ZNF710: variants seen among roughly 807,000 people sequenced by gnomAD.
The protein encoded by ZNF710 is zinc finger protein 710.
Under a neutral mutation model 50.6 loss-of-function variants are expected in ZNF710, and 13 were observed. The observed-to-expected ratio is 0.26, with a 90% CI of 0.17 to 0.41. The LOEUF (loss-of-function observed/expected upper bound fraction) is 0.41, where lower values mean the gene tolerates loss of function less well. Among genes scored for constraint, ZNF710 ranks in the 10% least tolerant of loss-of-function variants. The pLI, the probability that ZNF710 is intolerant of heterozygous loss-of-function variation, is 1.00. For missense variants in ZNF710, 721 were observed against 936.6 expected (o/e 0.77, Z 3.01); for synonymous variants, 383 against 397.0 (o/e 0.96, Z 0.42).
intron 1 of ZNF710, among the ~76,000 whole-genome samples, chr15:90,035,484 C>T (rs1899094192): frequency 6.6e-6 from 1 of 152,224 alleles, no homozygotes; most frequent in South Asian, 2.1e-4. Context: ...GGCTTTCGGG[C>T]CTCAGCACCA....
Position 90,068,582 on chromosome 15 carries a change from C to G in ZNF710, c.1445C>G (p.Ser482Cys). 1 of 1,599,160 alleles carries G rather than the reference C, an allele frequency of 6.3e-7. No homozygotes were observed. The change falls in exon 2 of 5, where the codon TCC becomes TGC. Residue 482 changes from serine (S) to cysteine (C), a missense_variant. Physicochemically the swap from Ser to Cys is moderately radical, Grantham distance 112. Coordinates refer to ENST00000268154, the MANE Select transcript of ZNF710 (RefSeq NM_198526.4). This position sits in a 1 kb window ranked among gnomAD's most constrained non-coding sequence, Gnocchi z 5.0. ...FSQIHHLKQH[S>C]LTHKGVKEFK... ...CAGATTCACCACCTCAAGCAGCACT[C>G]CCTCACCCACAAGGTAAGGCCGTTC...
rs574521256 is a variant in ZNF710, at chr15:90,042,492, C to CTCAA, written c.-28-24604_-28-24601dup. Among the ~76,000 whole-genome samples the CTCAA allele has an allele frequency of 5.9e-5, 9 of 152,232 alleles. No individual in the cohort carries two copies. In the East Asian group the frequency reaches 7.7e-4, roughly 13 times the overall value. On this transcript the variant is annotated intron_variant, in intron 1 of 4. Transcript: ENST00000268154. ...AGTAGATGAGTAAGGTTGAGACTCG[C>CTCAA]TCAATCAATCAATCAATAAACCAAT...
chr15:90,010,159 A>G (rs180741078), intron 1 of ZNF710, among the ~76,000 whole-genome samples: 7 of 152,274 alleles, frequency 4.6e-5, no homozygotes, highest in East Asian at 1.9e-4. Context: ...CTCTTGGCCT[A>G]TGATCCCTGT....
At chr15:90,027,515 ATTT>A (rs1263863917) in intron 1 of ZNF710, among the ~76,000 whole-genome samples, 9 of 152,230 alleles carry the variant, frequency 5.9e-5, no homozygotes, top group East Asian at 5.8e-4. Context: ...AGCCATTGAT[ATTT>A]TAATTCTACC....
chr15:90,072,825 C>T lies in ZNF710; in HGVS notation c.1459-246C>T, dbSNP rs564748001. Reference sequence around the variant, plus strand: ...GGCAGGAGACAGCAGGTATCTGGATCGTTACAGTAAAGCACAGCCTATTTC... The same window carrying T: ...GGCAGGAGACAGCAGGTATCTGGATTGTTACAGTAAAGCACAGCCTATTTC... On this transcript the variant is annotated intron_variant, in intron 2 of 4. Transcript: ENST00000268154. Among the ~76,000 whole-genome samples, 286 of 152,280 alleles carry T rather than the reference C, an allele frequency of 1.9e-3. 2 individuals are homozygous for T. Among genetic ancestry groups the T allele is most frequent in the African/African-American group, 6.7e-3 (277 of 41,560 alleles).
intron 1 of ZNF710, among the ~76,000 whole-genome samples, chr15:90,052,688 T>C (rs918085364): frequency 6.6e-6 from 1 of 152,184 alleles, no homozygotes; most frequent in African/African-American, 2.4e-5. Flanking sequence ...CCCAGCACTT[T>C]GGGAGGCCGA....
upstream of ZNF710, among the ~76,000 whole-genome samples, chr15:90,000,090 T>C (rs904718472): frequency 6.6e-6 from 1 of 151,820 alleles, no homozygotes; most frequent in Admixed American, 6.6e-5. Flanking sequence ...GGGCCCGGCA[T>C]CCAGCAGGTG....
intron 1 of ZNF710, chr15:90,025,856 A>G (rs1898759620): frequency 6.6e-6 from 1 of 152,230 alleles, no homozygotes; most frequent in African/African-American, 2.4e-5. Flanking sequence ...TTAAATTGCT[A>G]TTGGTTCAAG....
Position 90,040,229 on chromosome 15 carries a change from A to G in ZNF710, c.-28-26881A>G, listed in dbSNP as rs1899257333. 6.6e-6 allele frequency among the ~76,000 whole-genome samples: 1 copy of G among 152,206 alleles called. No homozygotes were observed. Among genetic ancestry groups the G allele is most frequent in the South Asian group, 2.1e-4 (1 of 4,832 alleles). ...CCACTGCCTCCTCTGCACGTAGATCATACCGCCTTTGTTGAGGAAGTCGTG... is the reference window on the plus strand; with the variant it reads ...CCACTGCCTCCTCTGCACGTAGATCGTACCGCCTTTGTTGAGGAAGTCGTG... On this transcript the variant is annotated intron_variant, in intron 1 of 4. Transcript: ENST00000268154. This position sits in a 1 kb window ranked among gnomAD's most constrained non-coding sequence, Gnocchi z 4.6.
chr15:90,002,844 G>C (rs1035316033), intron 1 of ZNF710, among the ~76,000 whole-genome samples: 2 of 152,150 alleles, frequency 1.3e-5, no homozygotes, highest in Non-Finnish European at 2.9e-5. Context: ...TTTGCGAGAC[G>C]GTTAGGGCAA....
chr15:90,041,486 C>T (rs933213007), intron 1 of ZNF710, among the ~76,000 whole-genome samples: 1 of 152,182 alleles, frequency 6.6e-6, no homozygotes, highest in African/African-American at 2.4e-5. Flanking sequence ...GCCACTGGGC[C>T]TGGCCACCAG....
intron 1 of ZNF710, among the ~76,000 whole-genome samples, chr15:90,015,603 T>C (rs909852574): frequency 3.3e-5 from 5 of 151,874 alleles, no homozygotes; most frequent in African/African-American, 1.2e-4. Flanking sequence ...TTCTTTTTTT[T>C]TTTTTTTTTG....
At position 90,034,813 on chromosome 15, in the gene ZNF710, T is replaced by C. The variant is rs1438496645; in HGVS notation, c.-28-32297T>C. Among the ~76,000 whole-genome samples, 2 of 152,168 alleles carry C rather than the reference T, an allele frequency of 1.3e-5. No individual in the cohort carries two copies. Among genetic ancestry groups the C allele is most frequent in the East Asian group, 1.9e-4 (1 of 5,188 alleles). On this transcript the variant is annotated intron_variant, in intron 1 of 4. Transcript: ENST00000268154. This position sits in a 1 kb window ranked among gnomAD's most constrained non-coding sequence, Gnocchi z 4.0. ...ATTTCCTTTGCACACCTGGCGCCTG[T>C]TGGGGACTTAGACCTCTTCCACATC...
intron 4 of ZNF710, among the ~76,000 whole-genome samples, chr15:90,077,770 A>C (rs1198415679): frequency 3.3e-5 from 5 of 152,166 alleles, no homozygotes; most frequent in African/African-American, 1.2e-4. Flanking sequence ...ATGGCTCAAG[A>C]CCAGGTGTGG....
intron 1 of ZNF710, among the ~76,000 whole-genome samples, chr15:90,036,106 C>T (rs1233012708): frequency 1.3e-5 from 2 of 152,188 alleles, no homozygotes; most frequent in Non-Finnish European, 2.9e-5. Context: ...ACTTCCACTT[C>T]GAAGCGCAAG....
intron 1 of ZNF710, among the ~76,000 whole-genome samples, chr15:90,017,192 C>G (rs1162935700): frequency 3.3e-5 from 5 of 152,120 alleles, no homozygotes; most frequent in Non-Finnish European, 7.4e-5. Flanking sequence ...AAATATTTTT[C>G]TATTCAGAAG....
chr15:90,021,277 C>T (rs1243411577), intron 1 of ZNF710, among the ~76,000 whole-genome samples: 3 of 152,186 alleles, frequency 2.0e-5, no homozygotes, highest in Admixed American at 1.3e-4. Context: ...AGGGGAGGAC[C>T]TCATCCTTAA....
At chr15:90,011,553 C>T (rs1037417843) in intron 1 of ZNF710, among the ~76,000 whole-genome samples, 2 of 152,200 alleles carry the variant, frequency 1.3e-5, no homozygotes, top group African/African-American at 4.8e-5. Context: ...TGTCTTTAAT[C>T]CCACAAATTG....
chr15:90,066,262 C>T (rs901569669), intron 1 of ZNF710, among the ~76,000 whole-genome samples: 2 of 152,086 alleles, frequency 1.3e-5, no homozygotes, highest in African/African-American at 4.8e-5. Flanking sequence ...CTCGTTCATA[C>T]AGCCGAGCCA....
Sources: allele counts gnomAD v4.1 joint callset (sites outside exome capture counted in the v4.1 genomes callset), GRCh38; gene constraint gnomAD v4.1.1; non-coding constraint Gnocchi (gnomAD v3.1); transcripts MANE v1.5; gene names NCBI Gene and HGNC (gene_info 2026-07-23, HGNC 2026-07-21).